Variants in ZFYVE26 observed in about 807,000 individuals in gnomAD.
ZFYVE26 encodes the protein zinc finger FYVE domain-containing protein 26.
Under a neutral mutation model 276.5 loss-of-function variants are expected in ZFYVE26, and 181 were observed. The ratio of observed to expected loss-of-function variants is 0.65; its 90% CI spans 0.58 to 0.74. The LOEUF is 0.74. Ranked by LOEUF, ZFYVE26 falls within the 30% of genes least tolerant of loss-of-function variation. The pLI is 0.00. For missense variants in ZFYVE26, 2,821 were observed against 3,097.9 expected (o/e 0.91, Z 2.12); for synonymous variants, 1,129 against 1,203.1 (o/e 0.94, Z 1.27).
At chr14:67,756,306 T>A in intron 35 of ZFYVE26, 161 bp from the exon 36 acceptor site, 2 of 784,536 alleles carry the variant, frequency 2.5e-6, no homozygotes, top group Non-Finnish European at 2.2e-6. Context: ...AATCTCATTC[T>A]AGCGACTGCT....
chr14:67,810,908 G>A (rs2040286520), intron 3 of ZFYVE26, among the ~76,000 whole-genome samples: 1 of 152,154 alleles, frequency 6.6e-6, no homozygotes, highest in Admixed American at 6.6e-5. Context: ...AGGTGTGTGT[G>A]TGTACATGAG....
At chr14:67,807,205 A>C (rs985753647) in intron 5 of ZFYVE26, among the ~76,000 whole-genome samples, 193 bp downstream of exon 5, 1 of 152,110 alleles carries the variant, frequency 6.6e-6, no homozygotes, top group South Asian at 2.1e-4. Context: ...TTGGCCTCCC[A>C]AAGTACTAGG....
chr14:67,751,745 C>T (rs990857401), intron 40 of ZFYVE26, among the ~76,000 whole-genome samples: 12 of 152,010 alleles, frequency 7.9e-5, no homozygotes, highest in African/African-American at 2.2e-4. Flanking sequence ...TGGTGGTGGG[C>T]GCCTGTAGTC....
chr14:67,761,218 C>T, intron 35 of ZFYVE26, 148 bp downstream of exon 35: 1 of 766,656 alleles, frequency 1.3e-6, no homozygotes, highest in Non-Finnish European at 2.3e-6. Flanking sequence ...GTGCAGAGTC[C>T]CCTGTTTTGA....
At position 67,792,913 on chromosome 14, in the gene ZFYVE26, CA is replaced by C. The variant is rs34041446; in HGVS notation, c.2553+694del. ...CTGGGTGACAAAAGCAAATCTGTCT[CA>C]AAAAAAAAAAAAAAAAAAAAGAAAA... On this transcript the variant is annotated intron_variant, in intron 14 of 41. Transcript: ENST00000347230. Among the ~76,000 whole-genome samples, 411 of 56,800 alleles carry C rather than the reference CA, an allele frequency of 7.2e-3. 2 individuals carry two copies. Among genetic ancestry groups the C allele is most frequent in the African/African-American group, 0.021 (289 of 13,948 alleles). 37.3% of individuals were successfully genotyped at this position (56,800 alleles called of 152,430 possible).
chr14:67,816,088 T>C (rs1025620418), intron 1 of ZFYVE26, 42 bp from the exon 2 acceptor site: 3 of 782,740 alleles, frequency 3.8e-6, no homozygotes. Flanking sequence ...CAGAAGGCAC[T>C]GTATTAAGAC....
At chr14:67,772,644 C>A (rs191948979) in intron 27 of ZFYVE26, among the ~76,000 whole-genome samples, 3 of 152,258 alleles carry the variant, frequency 2.0e-5, no homozygotes, top group Admixed American at 2.0e-4. Flanking sequence ...TGATTAAAGG[C>A]GCTTTAAGAG....
chr14:67,762,088 G>A, intron 34 of ZFYVE26, 115 bp downstream of exon 34: 1 of 1,304,146 alleles, frequency 7.7e-7, no homozygotes, highest in Non-Finnish European at 1.1e-6. Flanking sequence ...TAACCTGCTT[G>A]ATGCTGAGCC....
At chr14:67,788,977 G>A (rs973389389) in intron 16 of ZFYVE26, among the ~76,000 whole-genome samples, 5 of 152,246 alleles carry the variant, frequency 3.3e-5, no homozygotes, top group Admixed American at 1.3e-4. Flanking sequence ...GACTCATTAA[G>A]TTTTCCCTTA....
chr14:67,747,853 G>A lies in ZFYVE26; in HGVS notation c.*583C>T, dbSNP rs72723172. 7.2e-3 allele frequency: 1,141 copies of A among 157,884 alleles called. 1 individual carries two copies. Among genetic ancestry groups the A allele is most frequent in the Non-Finnish European group, 0.011 (791 of 71,250 alleles). 9.8% of individuals were successfully genotyped at this position (157,884 alleles called of 1,614,324 possible). A position where few individuals can be genotyped will look rare whatever the true frequency, so the allele number is the denominator to read the frequency against. On this transcript the variant is annotated 3_prime_UTR_variant, in exon 42 of 42. Coordinates refer to ENST00000347230, the MANE Select transcript of ZFYVE26 (RefSeq NM_015346.4). ...TGGGAGAAGAGACACCTGGAAAACA[G>A]GTTTATTCCACAGGTAGCACTTGCC...
In ZFYVE26 at chr14:67,754,655, C is replaced by T. The variant is rs147106874; in HGVS notation, c.6986+396G>A. 3.2e-3 allele frequency among the ~76,000 whole-genome samples: 484 copies of T among 152,320 alleles called. 4 individuals are homozygous for T. The highest frequency in any genetic ancestry group is 5.5e-3 in the Non-Finnish European group (377 of 68,032). ...AGATGTTGTGTTCTATGTAGAGGGACTGGCAAGTATAAAAGCTGAGAGGAA... is the reference window on the plus strand; with the variant it reads ...AGATGTTGTGTTCTATGTAGAGGGATTGGCAAGTATAAAAGCTGAGAGGAA... On this transcript the variant is annotated intron_variant, in intron 37 of 41. Transcript: ENST00000347230.
At chr14:67,816,083 G>A (rs1479116132) in intron 1 of ZFYVE26, 37 bp from the exon 2 acceptor site, 1 of 809,042 alleles carries the variant, frequency 1.2e-6, no homozygotes, top group African/African-American at 1.7e-5. Context: ...AGAAACAGAA[G>A]GCACTGTATT....
At chr14:67,814,509 ACT>A (rs1487158742) in intron 2 of ZFYVE26, among the ~76,000 whole-genome samples, 10 of 149,414 alleles carry the variant, frequency 6.7e-5, no homozygotes, top group African/African-American at 2.3e-4. Context: ...ACAGAGCAAG[ACT>A]CTGTCTCCAA....
At chr14:67,790,984 AG>A (rs1333265005) in intron 14 of ZFYVE26, among the ~76,000 whole-genome samples, 1 of 152,260 alleles carries the variant, frequency 6.6e-6, no homozygotes, top group African/African-American at 2.4e-5. Flanking sequence ...AGTAGAAAAT[AG>A]GCAAAAGATG....
chr14:67,808,057 G>T, intron 4 of ZFYVE26, 137 bp from the exon 5 acceptor site: 1 of 1,048,218 alleles, frequency 9.5e-7, no homozygotes, highest in Non-Finnish European at 1.4e-6. Flanking sequence ...TAGTTACTAT[G>T]TGTTAGACAT....
intron 26 of ZFYVE26, among the ~76,000 whole-genome samples, chr14:67,775,646 G>A (rs1309033321): frequency 6.6e-6 from 1 of 152,184 alleles, no homozygotes; most frequent in African/African-American, 2.4e-5. Flanking sequence ...TTATGTGCAT[G>A]CAGTGGTTAT....
At chr14:67,768,640 C>G (rs1318226878) in intron 29 of ZFYVE26, 92 bp from the exon 30 acceptor site, 1 of 1,241,394 alleles carries the variant, frequency 8.1e-7, no homozygotes, top group South Asian at 1.2e-5. Context: ...CAGTGTCTCC[C>G]TGGTACAATG....
intron 35 of ZFYVE26, chr14:67,760,838 G>A: frequency 5.3e-6 from 1 of 190,338 alleles, no homozygotes; most frequent in South Asian, 1.2e-4. Context: ...CAGTGGGAGG[G>A]GGGCAGAGGA....
At chr14:67,740,641 G>T (rs1175943247) in intron 13 of ZFYVE26, among the ~76,000 whole-genome samples, 1 of 152,146 alleles carries the variant, frequency 6.6e-6, no homozygotes, top group Non-Finnish European at 1.5e-5. Flanking sequence ...AGGCACTGTG[G>T]CTCATGCCTG....
Sources: gnomAD v4.1 joint callset for allele counts (sites outside exome capture counted in the v4.1 genomes callset) on GRCh38, gnomAD v4.1.1 for gene constraint, MANE v1.5 for transcripts, NCBI Gene and HGNC (gene_info 2026-07-23, HGNC 2026-07-21) for gene names.